The following DNHD1 variants were observed in gnomAD, a reference collection of about 807,000 sequenced individuals.
The protein encoded by DNHD1 is dynein heavy chain domain-containing protein 1.
Under a neutral mutation model 458.1 loss-of-function variants are expected in DNHD1, and 383 were observed. The observed-to-expected ratio is 0.84, with a 90% CI of 0.77 to 0.91. The LOEUF (loss-of-function observed/expected upper bound fraction) is 0.91, where lower values mean the gene tolerates loss of function less well. Among genes scored for constraint, DNHD1 ranks in the 40% least tolerant of loss-of-function variants. The pLI is 0.00. For missense variants in DNHD1, 5,336 were observed against 5,866.1 expected, an observed-to-expected ratio of 0.91 and a Z score of 2.95; for synonymous variants, 2,203 against 2,376.9, an observed-to-expected ratio of 0.93 and a Z score of 2.13.
chr11:6,556,347 T>C (rs2345345), intron 24 of DNHD1, among the ~76,000 whole-genome samples: 94,018 of 152,076 alleles, frequency 0.62, 29,267 homozygotes, highest in East Asian at 0.77. Flanking sequence ...TGCGCTTTCC[T>C]GCTAATTGTG....
At position 6,548,209 on chromosome 11, in the gene DNHD1, G is replaced by A; in HGVS notation, c.6906-1G>A. 1 of 1,551,584 alleles carries A rather than the reference G, an allele frequency of 6.4e-7. No homozygotes were observed. Among genetic ancestry groups the A allele is most frequent in the East Asian group, 2.4e-5 (1 of 40,918 alleles). ...TTTTGCCTGTGTGTCCATCTGAGCA[G>A]GTTCTGGCCCATCTTTGATACCTTC... On this transcript the variant is annotated splice_acceptor_variant, in intron 22 of 42. Coordinates refer to ENST00000254579, the MANE Select transcript of DNHD1 (RefSeq NM_144666.3). LOFTEE classifies it high-confidence loss of function. The surrounding 1 kb of genome is among the most constrained non-coding windows in gnomAD (Gnocchi z 4.4).
Position 6,571,908 on chromosome 11 carries a change from T to A in DNHD1, c.14184T>A (p.His4728Gln). Residue 4728 changes from histidine (H) to glutamine (Q), a missense_variant, in exon 43 of 43, where the codon CAT becomes CAA. Physicochemically the swap from His to Gln is conservative, Grantham distance 24. Around this residue, in one of 4 missense-constraint regions of DNHD1, gnomAD observed 698 missense variants for 664.9 expected, o/e 1.05. Coordinates refer to ENST00000254579, the MANE Select transcript of DNHD1 (RefSeq NM_144666.3). The surrounding 1 kb of genome is among the most constrained non-coding windows in gnomAD (Gnocchi z 5.0). ...AKLQSRNIVM[H>Q]LPLPTKLTPN... ...TGCAGAGCAGGAACATCGTGATGCA[T>A]CTGCCTTTACCCACCAAGCTCACCC... 6.2e-7 allele frequency: 1 copy of A among 1,614,046 alleles called. No individual in the cohort carries two copies. The highest frequency in any genetic ancestry group is 8.5e-7 in the Non-Finnish European group (1 of 1,179,904).
intron 28 of DNHD1, among the ~76,000 whole-genome samples, chr11:6,561,347 G>C (rs1048785609): frequency 6.6e-6 from 1 of 152,150 alleles, no homozygotes; most frequent in African/African-American, 2.4e-5. Flanking sequence ...AGGATCACCT[G>C]AGCCTGGGAG....
At chr11:6,521,898 G>A (rs1852612472) in intron 10 of DNHD1, among the ~76,000 whole-genome samples, 1 of 152,024 alleles carries the variant, frequency 6.6e-6, no homozygotes, top group African/African-American at 2.4e-5. Context: ...TAAATTTTTT[G>A]TAGAGATGGG....
intron 37 of DNHD1, 24 bp from the exon 38 acceptor site, chr11:6,568,430 T>C: frequency 1.2e-6 from 2 of 1,611,938 alleles, no homozygotes; most frequent in Admixed American, 1.7e-5. Flanking sequence ...CAAGGACTGA[T>C]CTCAGACCCT....
Position 6,511,376 on chromosome 11 carries a change from G to A in DNHD1, c.1339G>A (p.Ala447Thr). The change falls in exon 7 of 43, where the codon GCT becomes ACT. Residue 447 changes from alanine (A) to threonine (T), a missense_variant. Physicochemically the swap from Ala to Thr is moderately conservative, Grantham distance 58 (BLOSUM62 0). Transcript: ENST00000254579. Reference protein sequence around the residue: ...QTALAEEKHKALRLLHRCLNL... With the variant: ...QTALAEEKHKTLRLLHRCLNL... The stretch of plus-strand genomic sequence containing the variant: ...GGCTCTAGCCGAGGAGAAGCATAAG[G>A]CTCTACGGCTGCTCCATCGTTGCCT... The A allele has an allele frequency of 1.2e-6, 2 of 1,614,224 alleles. No individual in the cohort carries two copies. Among genetic ancestry groups the A allele is most frequent in the Non-Finnish European group, 1.7e-6 (2 of 1,180,046 alleles).
At position 6,567,557 on chromosome 11, in the gene DNHD1, C is replaced by T; in HGVS notation, c.12048C>T (p.Tyr4016=). 6.2e-7 allele frequency: 1 copy of T among 1,613,046 alleles called. No homozygotes were observed. Among genetic ancestry groups the T allele is most frequent in the Non-Finnish European group, 8.5e-7 (1 of 1,179,484 alleles). ...GCCACTCCAGTGCTTGGCAGGCTTA[C>T]CTGTCACTGTCATCCACAGTGCTGG... is the stretch of plus-strand genomic sequence containing the variant. ...LAGHSSAWQA[Y]LSLSSTVLGP... The change falls in exon 36 of 43, where the codon TAC becomes TAT. Residue 4016 remains tyrosine, a synonymous_variant. Transcript: ENST00000254579.
intron 13 of DNHD1, among the ~76,000 whole-genome samples, chr11:6,533,455 G>A (rs960687513): frequency 2.0e-5 from 3 of 152,188 alleles, no homozygotes; most frequent in Non-Finnish European, 4.4e-5. Flanking sequence ...AGGTAATGGG[G>A]TGGTGGGTGA....
At chr11:6,514,271 T>C (rs946002900) in intron 7 of DNHD1, among the ~76,000 whole-genome samples, 1 of 151,938 alleles carries the variant, frequency 6.6e-6, no homozygotes, top group Non-Finnish European at 1.5e-5. Context: ...ACCCAGCTAA[T>C]TTTTATATTT....
At chr11:6,552,410 A>G (rs1396269418) in intron 24 of DNHD1, among the ~76,000 whole-genome samples, 2 of 151,670 alleles carry the variant, frequency 1.3e-5, no homozygotes, top group East Asian at 2.0e-4. Flanking sequence ...TGTAATCCCA[A>G]CTACTTGGGA....
At position 6,570,806 on chromosome 11, in the gene DNHD1, G is replaced by A. The variant is rs1302452922; in HGVS notation, c.13294G>A (p.Ala4432Thr). 6 of 1,613,736 alleles carry A rather than the reference G, an allele frequency of 3.7e-6. No homozygotes were observed. Among genetic ancestry groups the A allele is most frequent in the Non-Finnish European group, 5.1e-6 (6 of 1,179,822 alleles). ...PVWVPESRRGAQLAERRLRQR... is the reference protein window; with the variant it reads ...PVWVPESRRGTQLAERRLRQR... ...GTGGGTTCCTGAGTCTCGAAGAGGC[G>A]CCCAGCTTGCGGAAAGGCGACTGCG... The change falls in exon 42 of 43, where the codon GCC becomes ACC. Residue 4432 changes from alanine (A) to threonine (T), a missense_variant. Physicochemically the swap from Ala to Thr is moderately conservative, Grantham distance 58. Transcript: ENST00000254579.
chr11:6,526,132 G>T (rs1454240915), intron 10 of DNHD1, among the ~76,000 whole-genome samples: 1 of 150,868 alleles, frequency 6.6e-6, no homozygotes, highest in Non-Finnish European at 1.5e-5. Context: ...CTTTAAAATT[G>T]TTTATTTCCT....
intron 24 of DNHD1, among the ~76,000 whole-genome samples, chr11:6,551,595 A>C (rs559589498): frequency 6.6e-6 from 1 of 152,258 alleles, no homozygotes; most frequent in African/African-American, 2.4e-5. Flanking sequence ...GGAAAACATA[A>C]ATTTTGAATA....
intron 7 of DNHD1, among the ~76,000 whole-genome samples, 154 bp from the exon 8 acceptor site, chr11:6,519,445 GT>G (rs1201988835): frequency 6.6e-6 from 1 of 152,050 alleles, no homozygotes; most frequent in African/African-American, 2.4e-5. Flanking sequence ...ATTTGAGGGG[GT>G]GGGGTAGGGT....
intron 7 of DNHD1, among the ~76,000 whole-genome samples, chr11:6,517,652 CTTTTTTTTTTTTT>C (rs59300977): frequency 5.2e-4 from 31 of 59,066 alleles, no homozygotes; most frequent in South Asian, 2.8e-3. Flanking sequence ...TCTAGGACTT[CTTTTTTTTTTTTT>C]TTTTTTTTTT....
At chr11:6,534,912 A>G (rs2134414990) in intron 14 of DNHD1, among the ~76,000 whole-genome samples, 1 of 152,080 alleles carries the variant, frequency 6.6e-6, no homozygotes, top group South Asian at 2.1e-4. Context: ...ATGCCTGGCT[A>G]ATTTTTGTAT....
intron 6 of DNHD1, 122 bp from the exon 7 acceptor site, chr11:6,511,151 G>T: frequency 7.6e-7 from 1 of 1,324,050 alleles, no homozygotes; most frequent in Non-Finnish European, 1.0e-6. Flanking sequence ...GGTCACTGTT[G>T]GTAATATTAC....
chr11:6,571,177 G>C lies in DNHD1; in HGVS notation c.13665G>C (p.Leu4555Phe), dbSNP rs1853840761. The C allele has an allele frequency of 6.2e-7, 1 of 1,604,460 alleles. No homozygotes were observed. ...PQPPWHWLRQ[L>F]SRRGQLLVRY... is the part of the protein sequence containing the mutation. ...CGCCCTGGCACTGGCTGCGACAGTT[G>C]TCGCGCCGTGGGCAACTGTTGGTTC... is the stretch of plus-strand genomic sequence containing the variant. The change falls in exon 42 of 43, where the codon TTG becomes TTC. Residue 4555 changes from leucine to phenylalanine, a missense_variant. Leu to Phe is a conservative substitution (Grantham distance 22). Coordinates refer to ENST00000254579, the MANE Select transcript of DNHD1 (RefSeq NM_144666.3). This position sits in a 1 kb window ranked among gnomAD's most constrained non-coding sequence, Gnocchi z 5.0.
chr11:6,521,375 A>G (rs1358448866), intron 10 of DNHD1, among the ~76,000 whole-genome samples: 2 of 149,650 alleles, frequency 1.3e-5, no homozygotes, highest in Non-Finnish European at 2.9e-5. Flanking sequence ...AATGGTTAAA[A>G]GGAGCAAAAA....
Sources: allele counts gnomAD v4.1 joint callset (sites outside exome capture counted in the v4.1 genomes callset), GRCh38; gene constraint gnomAD v4.1.1; regional missense constraint gnomAD v4.1.1; non-coding constraint Gnocchi (gnomAD v3.1); transcripts MANE v1.5; gene names NCBI Gene and HGNC (gene_info 2026-07-23, HGNC 2026-07-21).